The following ARHGAP10 variants were observed in gnomAD, a reference collection of about 807,000 sequenced individuals.
ARHGAP10 encodes rho GTPase-activating protein 10.
In ARHGAP10, 87 loss-of-function variants were observed where a neutral mutation model predicts 108.6. The ratio of observed to expected loss-of-function variants is 0.80; its 90% confidence interval spans 0.67 to 0.96. ARHGAP10 has a LOEUF of 0.96. Ranked by LOEUF, ARHGAP10 falls within the 40% of genes least tolerant of loss-of-function variation. The pLI is 0.00. For synonymous variants in ARHGAP10, 347 were observed against 341.1 expected (o/e 1.02, Z -0.19); for missense variants, 939 against 954.5 (o/e 0.98, Z 0.21).
intron 5 of ARHGAP10, among the ~76,000 whole-genome samples, chr4:147,860,311 A>AG (rs1560795422): frequency 6.6e-6 from 1 of 152,112 alleles, no homozygotes; most frequent in Admixed American, 6.5e-5. Flanking sequence ...GTGTGGTGGC[A>AG]GGTGCCTGCA....
At chr4:147,741,786 A>ACACGCG (rs1165245156) in intron 1 of ARHGAP10, among the ~76,000 whole-genome samples, 2 of 20,038 alleles carry the variant, frequency 1.0e-4, no homozygotes, top group Non-Finnish European at 3.1e-4. Context: ...ACACACACAC[A>ACACGCG]CACACGCACA....
intron 1 of ARHGAP10, among the ~76,000 whole-genome samples, chr4:147,793,305 C>CATATATAT (rs1167905424): frequency 7.7e-6 from 1 of 130,004 alleles, no homozygotes; most frequent in African/African-American, 2.7e-5. Flanking sequence ...ATAACACACA[C>CATATATAT]ATATATATAT....
At chr4:147,892,505 A>G (rs991237561) in intron 10 of ARHGAP10, among the ~76,000 whole-genome samples, 3 of 152,110 alleles carry the variant, frequency 2.0e-5, no homozygotes, top group Non-Finnish European at 4.4e-5. Flanking sequence ...GGGAACTCAC[A>G]GACCAGGAGG....
Position 147,806,370 on chromosome 4 carries a change from TTATAG to T in ARHGAP10, c.155-16354_155-16350del, listed in dbSNP as rs1697735671. Among the ~76,000 whole-genome samples, 3 of 151,912 alleles carry T rather than the reference TTATAG, an allele frequency of 2.0e-5. No individual in the cohort carries two copies. The South Asian group carries it at 6.2e-4, about 32-fold the overall frequency. Reference sequence around the variant, plus strand: ...AATACCAGATTATAGTAATGCCAGATTATAGTAATCAGATAACATATATTATTATA... The same window carrying T: ...AATACCAGATTATAGTAATGCCAGATTAATCAGATAACATATATTATTATA... On this transcript the variant is annotated intron_variant, in intron 1 of 22. Coordinates refer to ENST00000336498, the MANE Select transcript of ARHGAP10 (RefSeq NM_024605.4).
chr4:147,912,573 AT>A (rs1736796131), intron 12 of ARHGAP10, among the ~76,000 whole-genome samples: 2 of 115,836 alleles, frequency 1.7e-5, no homozygotes, highest in African/African-American at 1.0e-4. Context: ...ATATATATAT[AT>A]ATATATATAT....
intron 9 of ARHGAP10, among the ~76,000 whole-genome samples, chr4:147,881,502 G>A (rs369317827): frequency 1.3e-5 from 2 of 152,106 alleles, no homozygotes; most frequent in African/African-American, 4.8e-5. Context: ...TCCAGGTGTG[G>A]TGGTGCATGC....
At chr4:147,977,984 C>T (rs1180690876) in intron 18 of ARHGAP10, among the ~76,000 whole-genome samples, 2 of 152,112 alleles carry the variant, frequency 1.3e-5, no homozygotes, top group African/African-American at 2.4e-5. Context: ...CTGCAAAGGA[C>T]GTGATTTTGG....
intron 18 of ARHGAP10, among the ~76,000 whole-genome samples, chr4:147,975,562 G>A (rs1739561439): frequency 6.6e-6 from 1 of 152,198 alleles, no homozygotes; most frequent in Non-Finnish European, 1.5e-5. Flanking sequence ...TCATCTCATG[G>A]CAGAAGGACA....
At chr4:147,910,754 A>T (rs996447500) in intron 12 of ARHGAP10, among the ~76,000 whole-genome samples, 1 of 152,166 alleles carries the variant, frequency 6.6e-6, no homozygotes, top group African/African-American at 2.4e-5. Flanking sequence ...TATTTGGAAA[A>T]ATTAAGCTAC....
At chr4:147,884,196 T>A (rs539652483) in intron 10 of ARHGAP10, among the ~76,000 whole-genome samples, 109 of 152,252 alleles carry the variant, frequency 7.2e-4, no homozygotes, top group Non-Finnish European at 1.4e-3. Context: ...TGGTTTTCTC[T>A]GAGACCTTGA....
intron 18 of ARHGAP10, among the ~76,000 whole-genome samples, chr4:147,981,821 C>CT (rs147545995): frequency 0.07 from 10,570 of 151,898 alleles, 552 homozygotes; most frequent in African/African-American, 0.15. Flanking sequence ...CTTACTTGTC[C>CT]TTTTTTTTAC....
intron 19 of ARHGAP10, among the ~76,000 whole-genome samples, chr4:148,032,118 A>C (rs1728174042): frequency 1.3e-5 from 2 of 152,038 alleles, no homozygotes; most frequent in South Asian, 4.2e-4. Flanking sequence ...TTTCTTTATT[A>C]AAAATAATTT....
Position 147,818,474 on chromosome 4 carries a change from G to C in ARHGAP10, c.155-4253G>C, listed in dbSNP as rs572828230. On this transcript the variant is annotated intron_variant, in intron 1 of 22. Coordinates refer to ENST00000336498, the MANE Select transcript of ARHGAP10 (RefSeq NM_024605.4). ...CCAGCCACTTGGGAGGCTGAGGCAG[G>C]AGAATTGCTTGAATCCGGGAGGCGG... Among the ~76,000 whole-genome samples, 48 of 151,782 alleles carry C rather than the reference G, an allele frequency of 3.2e-4. 1 individual carries two copies. Among genetic ancestry groups the C allele is most frequent in the African/African-American group, 1.0e-3 (42 of 41,334 alleles).
chr4:147,794,895 T>A (rs1249478178), intron 1 of ARHGAP10, among the ~76,000 whole-genome samples: 2 of 152,236 alleles, frequency 1.3e-5, no homozygotes, highest in Non-Finnish European at 2.9e-5. Context: ...GATAGACATC[T>A]AGGTGGTTTC....
chr4:147,814,417 G>A (rs538409210), intron 1 of ARHGAP10, among the ~76,000 whole-genome samples: 18 of 152,118 alleles, frequency 1.2e-4, no homozygotes, highest in South Asian at 6.2e-4. Context: ...CATTTGTGCC[G>A]TGAATGTTGT....
chr4:147,751,516 A>G (rs1370138421), intron 1 of ARHGAP10, among the ~76,000 whole-genome samples: 2 of 151,632 alleles, frequency 1.3e-5, no homozygotes, highest in Admixed American at 1.3e-4. Context: ...GGCGCATGCT[A>G]CCACGCCTGG....
intron 18 of ARHGAP10, among the ~76,000 whole-genome samples, chr4:148,016,267 G>A (rs1002197686): frequency 5.3e-5 from 8 of 152,154 alleles, no homozygotes; most frequent in Admixed American, 3.3e-4. Context: ...GCTTTGAGAG[G>A]CTGGGGTGGG....
At chr4:147,812,690 T>C (rs755704474) in intron 1 of ARHGAP10, among the ~76,000 whole-genome samples, 29 of 152,236 alleles carry the variant, frequency 1.9e-4, no homozygotes, top group Non-Finnish European at 1.8e-4. Context: ...AAGGGCTTTG[T>C]GGCCCAACTG....
At chr4:147,925,952 G>A (rs1466398862) in intron 13 of ARHGAP10, among the ~76,000 whole-genome samples, 1 of 152,190 alleles carries the variant, frequency 6.6e-6, no homozygotes, top group Non-Finnish European at 1.5e-5. Flanking sequence ...CAGCAAGGAA[G>A]CCTTTTGCTC....
Sources: gnomAD v4.1 joint callset for allele counts (sites outside exome capture counted in the v4.1 genomes callset) on GRCh38, gnomAD v4.1.1 for gene constraint, MANE v1.5 for transcripts, NCBI Gene and HGNC (gene_info 2026-07-23, HGNC 2026-07-21) for gene names.